Variants in EBF1 observed in about 807,000 individuals in gnomAD.
EBF1 encodes transcription factor COE1.
A neutral mutation model predicts 68.4 loss-of-function variants in EBF1; 10 were observed. The observed-to-expected ratio is 0.15, with a 90% CI of 0.09 to 0.25. The LOEUF (loss-of-function observed/expected upper bound fraction) is 0.25, where lower values mean the gene tolerates loss of function less well. EBF1 is among the 10% of genes least tolerant of loss of function. EBF1 has a pLI of 1.00. For missense variants in EBF1, 509 were observed against 794.4 expected (o/e 0.64, Z 4.32); for synonymous variants, 298 against 299.8 (o/e 0.99, Z 0.06).
At chr5:158,782,648 A>T (rs985552008) in intron 9 of EBF1, among the ~76,000 whole-genome samples, 9 of 152,152 alleles carry the variant, frequency 5.9e-5, no homozygotes, top group Admixed American at 2.0e-4. Context: ...GCAACAGAGC[A>T]AGACTGTCTC....
intron 10 of EBF1, among the ~76,000 whole-genome samples, chr5:158,755,281 C>T (rs571032115): frequency 6.6e-6 from 1 of 152,148 alleles, no homozygotes; most frequent in East Asian, 1.9e-4. Flanking sequence ...CTTTCCTACC[C>T]TGAGCCCCCT....
rs144069144 is a variant in EBF1 at position 158,817,563 on chromosome 5, G to A, written c.778+5613C>T. 1.9e-3 allele frequency among the ~76,000 whole-genome samples: 294 copies of A among 152,172 alleles called. 1 individual carries two copies. Among genetic ancestry groups the A allele is most frequent in the African/African-American group, 5.8e-3 (240 of 41,536 alleles). On this transcript the variant is annotated intron_variant, in intron 8 of 15. Coordinates refer to ENST00000313708, the MANE Select transcript of EBF1 (RefSeq NM_024007.5). The stretch of plus-strand genomic sequence containing the variant: ...CTTGGACTTCCCAGCCTCCAGAACC[G>A]TAAGACATAAACTCCTTTTCCTCAA...
At chr5:159,004,345 C>A (rs930260520) in intron 6 of EBF1, among the ~76,000 whole-genome samples, 1 of 151,546 alleles carries the variant, frequency 6.6e-6, no homozygotes, top group African/African-American at 2.4e-5. Flanking sequence ...CTCACTCTGA[C>A]TATATTAAGT....
At chr5:159,008,548 G>A (rs1764016407) in intron 6 of EBF1, among the ~76,000 whole-genome samples, 1 of 145,030 alleles carries the variant, frequency 6.9e-6, no homozygotes, top group Non-Finnish European at 1.5e-5. Flanking sequence ...TTAAGACAGA[G>A]TCTTGCTCTG....
chr5:158,862,849 A>G (rs1795201473), intron 6 of EBF1, among the ~76,000 whole-genome samples: 1 of 152,230 alleles, frequency 6.6e-6, no homozygotes, highest in Admixed American at 6.5e-5. Context: ...ATACCTGGAA[A>G]TTGTTCAACA....
At chr5:158,991,838 A>G (rs142713678) in intron 6 of EBF1, among the ~76,000 whole-genome samples, 48 of 152,304 alleles carry the variant, frequency 3.2e-4, no homozygotes, top group African/African-American at 1.2e-3. Context: ...GAGTGTTGGC[A>G]TTTGCACAAT....
chr5:158,992,699 C>T (rs1031322607), intron 6 of EBF1, among the ~76,000 whole-genome samples: 17 of 151,912 alleles, frequency 1.1e-4, no homozygotes, highest in South Asian at 4.1e-4. Context: ...GACAGATTTA[C>T]GTTTCTTACC....
At chr5:158,830,854 T>A (rs1787399515) in intron 7 of EBF1, among the ~76,000 whole-genome samples, 1 of 152,164 alleles carries the variant, frequency 6.6e-6, no homozygotes, top group Non-Finnish European at 1.5e-5. Flanking sequence ...CTACAGGATG[T>A]CATGGAGTGG....
At chr5:158,856,005 G>T (rs1793932112) in intron 6 of EBF1, among the ~76,000 whole-genome samples, 1 of 152,198 alleles carries the variant, frequency 6.6e-6, no homozygotes. Context: ...AAATAAAAAT[G>T]TCATAAAACA....
At chr5:159,007,529 C>T (rs1763799120) in intron 6 of EBF1, among the ~76,000 whole-genome samples, 1 of 152,180 alleles carries the variant, frequency 6.6e-6, no homozygotes, top group South Asian at 2.1e-4. Flanking sequence ...TGAAAACACA[C>T]TCTGTGCACA....
intron 6 of EBF1, among the ~76,000 whole-genome samples, chr5:159,005,584 T>C (rs925594455): frequency 2.6e-5 from 4 of 152,172 alleles, no homozygotes; most frequent in African/African-American, 4.8e-5. Context: ...ACATTTATTA[T>C]AGGACATCCA....
rs1271176777 is a variant in EBF1 at position 159,093,498 on chromosome 5, C to CCT, written c.411+2120_411+2121dup. 3.3e-5 allele frequency among the ~76,000 whole-genome samples: 5 copies of CCT among 151,886 alleles called. No homozygotes were observed. In the South Asian group the frequency reaches 8.3e-4, roughly 25 times the overall value. On this transcript the variant is annotated intron_variant, in intron 4 of 15. Transcript: ENST00000313708. ...AAATAAAACTAATCTTGTTCTTATT[C>CCT]CTCTCTCTCTCTTTCTCTCTCTCTT...
At chr5:158,733,146 G>T (rs1017381141) in intron 10 of EBF1, among the ~76,000 whole-genome samples, 1 of 152,164 alleles carries the variant, frequency 6.6e-6, no homozygotes, top group Non-Finnish European at 1.5e-5. Flanking sequence ...GCATGAGAGA[G>T]ACAGGAATGA....
chr5:159,077,297 G>A (rs1778946254), intron 5 of EBF1, among the ~76,000 whole-genome samples: 1 of 152,092 alleles, frequency 6.6e-6, no homozygotes, highest in African/African-American at 2.4e-5. Flanking sequence ...AAATTATCTG[G>A]GTGTGGTGGT....
At chr5:158,882,033 T>C (rs988405949) in intron 6 of EBF1, among the ~76,000 whole-genome samples, 5 of 152,324 alleles carry the variant, frequency 3.3e-5, no homozygotes, top group African/African-American at 1.2e-4. Flanking sequence ...ACAATGAACA[T>C]GCAATTGGGC....
chr5:159,068,559 T>C (rs1228108445), intron 6 of EBF1, among the ~76,000 whole-genome samples: 1 of 152,160 alleles, frequency 6.6e-6, no homozygotes, highest in African/African-American at 2.4e-5. Context: ...TTCTGAAAAG[T>C]CTTACCACAG....
intron 6 of EBF1, among the ~76,000 whole-genome samples, chr5:158,910,382 T>C (rs1805698034): frequency 7.2e-5 from 11 of 152,222 alleles, no homozygotes; most frequent in Admixed American, 7.2e-4. Context: ...CCATTAATGG[T>C]ACTTAGAAAT....
chr5:158,732,412 T>C (rs1764288365), intron 10 of EBF1, among the ~76,000 whole-genome samples: 1 of 152,182 alleles, frequency 6.6e-6, no homozygotes, highest in South Asian at 2.1e-4. Flanking sequence ...AAAATACAGG[T>C]ATGATAATCT....
intron 6 of EBF1, among the ~76,000 whole-genome samples, chr5:158,946,570 A>T (rs566161613): frequency 6.6e-6 from 1 of 152,094 alleles, no homozygotes; most frequent in Non-Finnish European, 1.5e-5. Flanking sequence ...TTCATCCCAG[A>T]GGGGCACCCA....
Sources: allele counts gnomAD v4.1 joint callset (sites outside exome capture counted in the v4.1 genomes callset), GRCh38; gene constraint gnomAD v4.1.1; transcripts MANE v1.5; gene names NCBI Gene and HGNC (gene_info 2026-07-23, HGNC 2026-07-21).